AK9: variants seen among roughly 807,000 people sequenced by gnomAD.
AK9 encodes the protein adenylate kinase 9.
AK9 carries 191 observed loss-of-function variants against 239.6 expected under a neutral mutation model. The ratio of observed to expected loss-of-function variants is 0.80; its 90% CI spans 0.71 to 0.90. The LOEUF (loss-of-function observed/expected upper bound fraction) is 0.90, where lower values mean the gene tolerates loss of function less well. AK9 is among the 40% of genes least tolerant of loss of function. The probability of loss-of-function intolerance (pLI) is 0.00; values close to 1 mark genes in which losing one functional copy is unlikely to be tolerated. For missense variants in AK9, 1,995 were observed against 2,214.7 expected, an observed-to-expected ratio of 0.90 and a Z score of 1.99; for synonymous variants, 689 against 721.0, an observed-to-expected ratio of 0.96 and a Z score of 0.71.
chr6:109,632,318 A>G lies in AK9; in HGVS notation c.1254+605T>C, dbSNP rs984643004. 2.3e-5 allele frequency: 23 copies of G among 985,506 alleles called. No individual in the cohort carries two copies. The African/African-American group carries it at 3.7e-4, about 16-fold the overall frequency. The allele number at this position is 985,506 out of a possible 1,614,324, so 61.0% of individuals were successfully genotyped here. A position where few individuals can be genotyped will look rare whatever the true frequency, so the allele number is the denominator to read the frequency against. Reference sequence around the variant, plus strand: ...TGTGCCATTCCTTCTTGCATAGGCAATCCTCAAGCCACATTGCCCCTTCTA... The same window carrying G: ...TGTGCCATTCCTTCTTGCATAGGCAGTCCTCAAGCCACATTGCCCCTTCTA... On this transcript the variant is annotated intron_variant, in intron 12 of 40. Coordinates refer to ENST00000424296, the MANE Select transcript of AK9 (RefSeq NM_001145128.3).
intron 13 of AK9, among the ~76,000 whole-genome samples, chr6:109,617,342 T>C (rs551444818): frequency 4.6e-5 from 7 of 152,062 alleles, no homozygotes; most frequent in East Asian, 3.9e-4. Flanking sequence ...ATGGAACAAA[T>C]GAAGAAATAA....
At chr6:109,538,240 A>C (rs1251828213) in intron 27 of AK9, among the ~76,000 whole-genome samples, 1 of 152,172 alleles carries the variant, frequency 6.6e-6, no homozygotes, top group East Asian at 1.9e-4. Flanking sequence ...GTGGGAGTCT[A>C]AGCCTCTTTG....
chr6:109,622,265 C>T (rs1213277180), intron 12 of AK9, among the ~76,000 whole-genome samples: 3 of 141,698 alleles, frequency 2.1e-5, no homozygotes, highest in Non-Finnish European at 4.5e-5. Context: ...CATATACATT[C>T]CTATAAGAAA....
intron 17 of AK9, among the ~76,000 whole-genome samples, chr6:109,603,243 A>G (rs558555712): frequency 3.3e-5 from 5 of 152,106 alleles, no homozygotes; most frequent in African/African-American, 1.2e-4. Flanking sequence ...CGTACAGATG[A>G]GGTTTTGGTG....
chr6:109,535,020 T>G (rs779022401), intron 27 of AK9, among the ~76,000 whole-genome samples: 2 of 152,110 alleles, frequency 1.3e-5, no homozygotes, highest in African/African-American at 2.4e-5. Flanking sequence ...GGACATTTGG[T>G]TTGGTTCCAA....
In AK9 at chr6:109,579,310, C is replaced by A. The variant is rs768916288; in HGVS notation, c.2191+240G>T. Reference sequence around the variant, plus strand: ...GCAGAGGGTGTATGAGTAGGTATCTCTGTCAAGAGTCATTTTCCTATGAAT... The same window carrying A: ...GCAGAGGGTGTATGAGTAGGTATCTATGTCAAGAGTCATTTTCCTATGAAT... On this transcript the variant is annotated intron_variant, in intron 20 of 40. Transcript: ENST00000424296. The A allele has an allele frequency of 2.4e-5, 10 of 417,416 alleles. 1 individual carries two copies. The Middle Eastern group carries it at 5.1e-3, about 211-fold the overall frequency. The allele number at this position is 417,416 out of a possible 1,614,324, so 25.9% of individuals were successfully genotyped here. A position where few individuals can be genotyped will look rare whatever the true frequency, so the allele number is the denominator to read the frequency against.
intron 20 of AK9, among the ~76,000 whole-genome samples, chr6:109,575,946 GT>G (rs1788017038): frequency 6.6e-6 from 1 of 151,808 alleles, no homozygotes; most frequent in South Asian, 2.1e-4. Context: ...TGTTTTGTTT[GT>G]TTGTTTTTTT....
chr6:109,528,194 A>G, intron 29 of AK9: 1 of 294,230 alleles, frequency 3.4e-6, no homozygotes, highest in Non-Finnish European at 6.6e-6. Context: ...TCAGAAGGGG[A>G]CCACTAGGGA....
At chr6:109,534,437 T>C (rs968514960) in intron 27 of AK9, among the ~76,000 whole-genome samples, 2 of 149,992 alleles carry the variant, frequency 1.3e-5, no homozygotes, top group Non-Finnish European at 3.0e-5. Context: ...TGAAATTTGG[T>C]TTGTTTTTAA....
At chr6:109,686,354 G>A (rs901515419) in intron 1 of AK9, among the ~76,000 whole-genome samples, 3 of 152,230 alleles carry the variant, frequency 2.0e-5, no homozygotes, top group African/African-American at 7.2e-5. Flanking sequence ...TCTGTCCAAG[G>A]TAAAGGATGA....
chr6:109,516,579 C>G lies in AK9; in HGVS notation c.3697G>C (p.Glu1233Gln). The change falls in exon 30 of 41, where the codon GAA becomes CAA. Residue 1233 changes from glutamate to glutamine, a missense_variant. Around this residue, in one of 5 missense-constraint regions of AK9, gnomAD observed 1,290 missense variants for 1,392.7 expected, o/e 0.93. Transcript: ENST00000424296. ...GGAAACTCATCTTCAAGGATGTTTT[C>G]AATATCATCATTGTCTTCTTCAAGT... ...EELEEDNDDIENILEDEFPKD... is the reference protein window; with the variant it reads ...EELEEDNDDIQNILEDEFPKD... The G allele has an allele frequency of 6.4e-7, 1 of 1,551,060 alleles. No individual in the cohort carries two copies. Among genetic ancestry groups the G allele is most frequent in the Non-Finnish European group, 8.7e-7 (1 of 1,146,916 alleles).
intron 27 of AK9, among the ~76,000 whole-genome samples, chr6:109,538,388 T>C (rs1253781705): frequency 6.6e-6 from 1 of 152,216 alleles, no homozygotes; most frequent in Non-Finnish European, 1.5e-5. Context: ...TTGATCTTTG[T>C]TGGTTGAAAG....
chr6:109,503,362 A>G (rs762061813), intron 35 of AK9, among the ~76,000 whole-genome samples: 26 of 152,090 alleles, frequency 1.7e-4, no homozygotes, highest in Admixed American at 1.6e-3. Context: ...AAGTCTCAAA[A>G]GACACCCAAA....
intron 17 of AK9, among the ~76,000 whole-genome samples, chr6:109,607,768 G>GGTGTGTGTGT (rs10648225): frequency 0.012 from 1,706 of 145,460 alleles, 23 homozygotes; most frequent in South Asian, 0.034. Flanking sequence ...CCAGCAGAGG[G>GGTGTGTGTGT]GTGTGTGTGT....
Position 109,586,058 on chromosome 6 carries a change from G to C in AK9, c.1857C>G (p.Asn619Lys). The stretch of plus-strand genomic sequence containing the variant: ...TTGGGGCACCAGGAAACCTATCCTT[G>C]TTTTCTTCCATTACCTGTGAAAAAT... ...QEVLGEVMEE[N>K]KDRFPGAPKY... Residue 619 changes from asparagine (N) to lysine (K), a missense_variant, in exon 18 of 41, where the codon AAC becomes AAG. By Grantham distance (94) the Asn-to-Lys change is moderately conservative (BLOSUM62 0). Transcript: ENST00000424296. 6.5e-7 allele frequency: 1 copy of C among 1,550,374 alleles called. No homozygotes were observed. The highest frequency in any genetic ancestry group is 8.7e-7 in the Non-Finnish European group (1 of 1,146,584).
chr6:109,677,103 G>A (rs1771869558), intron 1 of AK9, among the ~76,000 whole-genome samples: 1 of 152,034 alleles, frequency 6.6e-6, no homozygotes, highest in Non-Finnish European at 1.5e-5. Context: ...GTAGAGGGTA[G>A]GATGAGGAAG....
At chr6:109,564,949 T>C (rs1786273710) in intron 21 of AK9, 104 bp from the exon 22 acceptor site, 3 of 856,930 alleles carry the variant, frequency 3.5e-6, no homozygotes, top group Admixed American at 3.2e-5. Context: ...AAATTGTATA[T>C]GAAATGCCTA....
intron 1 of AK9, among the ~76,000 whole-genome samples, chr6:109,686,159 A>G (rs1295724853): frequency 6.6e-6 from 1 of 152,238 alleles, no homozygotes; most frequent in Admixed American, 6.5e-5. Context: ...TTGAGACAAT[A>G]TAGTATAAAG....
chr6:109,636,750 T>TCACACACACACTCACACACACACACA (rs1796757341), intron 10 of AK9, among the ~76,000 whole-genome samples: 1 of 135,472 alleles, frequency 7.4e-6, no homozygotes, highest in African/African-American at 2.8e-5. Flanking sequence ...TAATATTCCA[T>TCACACACACACTCACACACACACACA]CACACACACA....
Sources: allele counts gnomAD v4.1 joint callset (sites outside exome capture counted in the v4.1 genomes callset), GRCh38; gene constraint gnomAD v4.1.1; regional missense constraint gnomAD v4.1.1; transcripts MANE v1.5; gene names NCBI Gene and HGNC (gene_info 2026-07-23, HGNC 2026-07-21).